MCHR2: variants seen among roughly 807,000 people sequenced by gnomAD.
MCHR2 encodes melanin concentrating hormone receptor 2.
Under a neutral mutation model 24.8 loss-of-function variants are expected in MCHR2, and 15 were observed. The ratio of observed to expected loss-of-function variants is 0.60; its 90% confidence interval spans 0.40 to 0.93. MCHR2 has a LOEUF of 0.93. Ranked by LOEUF, MCHR2 falls within the 40% of genes least tolerant of loss-of-function variation. The probability of loss-of-function intolerance (pLI) is 0.00; values close to 1 mark genes in which losing one functional copy is unlikely to be tolerated. For missense variants in MCHR2, 386 were observed against 408.7 expected (o/e 0.94, Z 0.48); for synonymous variants, 151 against 147.6 (o/e 1.02, Z -0.17).
Position 99,976,382 on chromosome 6 carries a change from C to T in MCHR2, c.-28+17554G>A, listed in dbSNP as rs73760574. ...CATTTTCAGCCTACATGAAAACCAGCCATAATCTGGTGGGCACCAATTATG... is the reference window on the plus strand; with the variant it reads ...CATTTTCAGCCTACATGAAAACCAGTCATAATCTGGTGGGCACCAATTATG... On this transcript the variant is annotated intron_variant, in intron 1 of 5. Transcript: ENST00000281806. 8.0e-3 allele frequency among the ~76,000 whole-genome samples: 1,222 copies of T among 152,310 alleles called. 14 individuals carry two copies. Among genetic ancestry groups the T allele is most frequent in the African/African-American group, 0.028 (1,180 of 41,562 alleles).
At chr6:99,929,737 C>A (rs1774467503) in intron 5 of MCHR2, among the ~76,000 whole-genome samples, 1 of 151,964 alleles carries the variant, frequency 6.6e-6, no homozygotes, top group South Asian at 2.1e-4. Flanking sequence ...TGTGTCTCTG[C>A]ACGTGAGATG....
intron 1 of MCHR2, among the ~76,000 whole-genome samples, chr6:99,975,114 A>G (rs1228858742): frequency 6.6e-6 from 1 of 152,214 alleles, no homozygotes; most frequent in Non-Finnish European, 1.5e-5. Context: ...AGACAGGGAC[A>G]TTTAAGTCTG....
chr6:99,958,249 T>C (rs1775105652), intron 1 of MCHR2, among the ~76,000 whole-genome samples: 1 of 151,912 alleles, frequency 6.6e-6, no homozygotes, highest in African/African-American at 2.4e-5. Flanking sequence ...AATGGACTCT[T>C]CCATAAATGG....
chr6:99,949,099 T>C (rs1244334762), intron 2 of MCHR2, among the ~76,000 whole-genome samples: 3 of 152,152 alleles, frequency 2.0e-5, no homozygotes, highest in Non-Finnish European at 4.4e-5. Flanking sequence ...AGCTGGCACA[T>C]TCAATAATAA....
chr6:99,929,968 G>A (rs889876225), intron 5 of MCHR2, among the ~76,000 whole-genome samples: 2 of 150,394 alleles, frequency 1.3e-5, no homozygotes, highest in African/African-American at 4.9e-5. Flanking sequence ...ATTTTGCAGT[G>A]GCTGGTACCG....
intron 2 of MCHR2, among the ~76,000 whole-genome samples, chr6:99,953,331 A>G (rs1018020386): frequency 1.3e-5 from 2 of 152,138 alleles, no homozygotes; most frequent in Non-Finnish European, 2.9e-5. Flanking sequence ...CAATGGTGGT[A>G]CCAAGGCTTT....
chr6:99,973,240 G>A (rs1317463760), intron 1 of MCHR2, among the ~76,000 whole-genome samples: 1 of 151,636 alleles, frequency 6.6e-6, no homozygotes, highest in African/African-American at 2.4e-5. Context: ...TATGAATCTG[G>A]GTGCTCCTGT....
intron 1 of MCHR2, among the ~76,000 whole-genome samples, chr6:99,982,618 A>C (rs1259185765): frequency 1.3e-5 from 2 of 151,984 alleles, no homozygotes; most frequent in Non-Finnish European, 2.9e-5. Context: ...TAGCTTGGGC[A>C]ACAGAGTGAG....
Position 99,921,198 on chromosome 6 carries a change from C to T in MCHR2, c.765G>A (p.Val255=), listed in dbSNP as rs750349552. The change falls in exon 6 of 6, where the codon GTG becomes GTA. Residue 255 remains valine (V), a synonymous_variant. Coordinates refer to ENST00000281806, the MANE Select transcript of MCHR2 (RefSeq NM_001040179.2). The part of the protein sequence containing the change: ...RVMKLTKMVL[V]LVVVFILSAA... The stretch of plus-strand genomic sequence containing the variant: ...CACTCAGGATAAAGACTACCACCAG[C>T]ACCAGCACCATCTTTGTCAACTTCA... 1.2e-6 allele frequency: 2 copies of T among 1,614,146 alleles called. No individual in the cohort carries two copies. The highest frequency in any genetic ancestry group is 1.6e-4 in the Middle Eastern group (1 of 6,062).
chr6:99,947,766 C>G lies in MCHR2; in HGVS notation c.388G>C (p.Asp130His), dbSNP rs200360679. ...ATTTCAAAGTCTTTCACTTACCTGT[C>G]CACACTCATTACAGTCATGATGGCA... is the stretch of plus-strand genomic sequence containing the variant. ...CSAIMTVMSV[D>H]RYFALVQPFR... Residue 130 changes from aspartate to histidine, a missense_variant, in exon 3 of 6, where the codon GAC becomes CAC. By Grantham distance (81) the Asp-to-His change is moderately conservative. Coordinates refer to ENST00000281806, the MANE Select transcript of MCHR2 (RefSeq NM_001040179.2). 8.7e-6 allele frequency: 14 copies of G among 1,613,312 alleles called. No homozygotes were observed. Among genetic ancestry groups the G allele is most frequent in the Non-Finnish European group, 1.2e-5 (14 of 1,179,620 alleles).
At chr6:99,928,305 G>T (rs1337803558) in intron 5 of MCHR2, among the ~76,000 whole-genome samples, 4 of 151,974 alleles carry the variant, frequency 2.6e-5, no homozygotes, top group Non-Finnish European at 4.4e-5. Context: ...TCTCTTTTTT[G>T]GTTGTGTTTC....
At chr6:99,973,454 T>C (rs1775477574) in intron 1 of MCHR2, among the ~76,000 whole-genome samples, 1 of 152,220 alleles carries the variant, frequency 6.6e-6, no homozygotes, top group South Asian at 2.1e-4. Context: ...AGCCTATGTG[T>C]GTCTCTGCAT....
intron 1 of MCHR2, among the ~76,000 whole-genome samples, chr6:99,974,128 T>A (rs1333622912): frequency 6.6e-6 from 1 of 152,226 alleles, no homozygotes; most frequent in African/African-American, 2.4e-5. Context: ...TTGGGGAAGT[T>A]CTCCTGGATA....
At chr6:99,973,476 T>C (rs931996769) in intron 1 of MCHR2, among the ~76,000 whole-genome samples, 1 of 152,204 alleles carries the variant, frequency 6.6e-6, no homozygotes, top group East Asian at 1.9e-4. Flanking sequence ...TGAGATGGGT[T>C]TCCTGAATAC....
intron 1 of MCHR2, among the ~76,000 whole-genome samples, chr6:99,991,472 A>C (rs1303134083): frequency 6.6e-6 from 1 of 152,108 alleles, no homozygotes; most frequent in African/African-American, 2.4e-5. Flanking sequence ...TGAGGTGAGA[A>C]TAATACTCTC....
At chr6:99,992,437 A>G (rs556277650) in intron 1 of MCHR2, among the ~76,000 whole-genome samples, 70 of 152,342 alleles carry the variant, frequency 4.6e-4, no homozygotes, top group African/African-American at 1.6e-3. Context: ...ACTTAGCAGT[A>G]TACACAACAG....
rs1774192892 is a variant in MCHR2 at position 99,920,089 on chromosome 6, C to T, written c.*851G>A. On this transcript the variant is annotated 3_prime_UTR_variant, in exon 6 of 6. Coordinates refer to ENST00000281806, the MANE Select transcript of MCHR2 (RefSeq NM_001040179.2). ...AGTATTATTATTAAAGTGCAGATGC[C>T]AGTTTCTACAGTTAGCAGGTGTGAG... The T allele has an allele frequency of 6.6e-6, 1 of 152,156 alleles. No individual in the cohort carries two copies. The highest frequency in any genetic ancestry group is 1.5e-5 in the Non-Finnish European group (1 of 68,042). The allele number at this position is 152,156 out of a possible 1,614,324, so 9.4% of individuals were successfully genotyped here. A position where few individuals can be genotyped will look rare whatever the true frequency, so the allele number is the denominator to read the frequency against.
intron 1 of MCHR2, among the ~76,000 whole-genome samples, chr6:99,987,176 C>T (rs900112596): frequency 2.6e-5 from 4 of 151,830 alleles, no homozygotes; most frequent in African/African-American, 7.3e-5. Flanking sequence ...TCTCGGCTCA[C>T]TGCAACCTCT....
chr6:99,985,946 A>G (rs570073885), intron 1 of MCHR2, among the ~76,000 whole-genome samples: 1 of 152,328 alleles, frequency 6.6e-6, no homozygotes, highest in South Asian at 2.1e-4. Context: ...TAATATTCAG[A>G]ATCTACAAGG....
Sources: gnomAD v4.1 joint callset for allele counts (sites outside exome capture counted in the v4.1 genomes callset) on GRCh38, gnomAD v4.1.1 for gene constraint, MANE v1.5 for transcripts, NCBI Gene and HGNC (gene_info 2026-07-23, HGNC 2026-07-21) for gene names.